Variants in SH3RF1 observed in about 807,000 individuals in gnomAD.
SH3RF1 encodes SH3 domain containing ring finger 1.
Under a neutral mutation model 74.0 loss-of-function variants are expected in SH3RF1, and 32 were observed. That is an observed-to-expected ratio of 0.43 (90% CI 0.33 to 0.58). The LOEUF is 0.58. Ranked by LOEUF, SH3RF1 falls within the 20% of genes least tolerant of loss-of-function variation. The pLI, the probability that SH3RF1 is intolerant of heterozygous loss-of-function variation, is 0.05. For synonymous variants in SH3RF1, 396 were observed against 439.6 expected, an observed-to-expected ratio of 0.90 and a Z score of 1.24; for missense variants, 954 against 1,130.9, an observed-to-expected ratio of 0.84 and a Z score of 2.24.
chr4:169,137,470 C>T (rs1733718380), intron 4 of SH3RF1, among the ~76,000 whole-genome samples: 1 of 152,122 alleles, frequency 6.6e-6, no homozygotes, highest in Admixed American at 6.5e-5. Flanking sequence ...CTGCATATAA[C>T]TTTCCCAGAT....
Position 169,268,812 on chromosome 4 carries a change from C to T in SH3RF1, c.393+8G>A. 1 of 1,570,134 alleles carries T rather than the reference C, an allele frequency of 6.4e-7. No individual in the cohort carries two copies. Among genetic ancestry groups the T allele is most frequent in the East Asian group, 2.2e-5 (1 of 44,628 alleles). ...TTATTCACCAAACTACCTCTGTAGG[C>T]TACTTACCCTCACTGGGGGGCTCCA... On this transcript the variant is annotated splice_region_variant and intron_variant, in intron 2 of 11. Coordinates refer to ENST00000284637, the MANE Select transcript of SH3RF1 (RefSeq NM_020870.4).
At chr4:169,117,110 A>G (rs1733349313) in intron 9 of SH3RF1, among the ~76,000 whole-genome samples, 1 of 152,180 alleles carries the variant, frequency 6.6e-6, no homozygotes, top group African/African-American at 2.4e-5. Flanking sequence ...AGTGCTACAG[A>G]ACTAAGAAAG....
At chr4:169,247,300 G>A (rs987867602) in intron 2 of SH3RF1, among the ~76,000 whole-genome samples, 5 of 152,164 alleles carry the variant, frequency 3.3e-5, no homozygotes, top group Non-Finnish European at 2.9e-5. Context: ...AGACACACTC[G>A]CTGAGGGATC....
At chr4:169,129,764 A>T (rs1162707657) in intron 6 of SH3RF1, among the ~76,000 whole-genome samples, 2 of 152,256 alleles carry the variant, frequency 1.3e-5, no homozygotes, top group Non-Finnish European at 2.9e-5. Flanking sequence ...ATAAAGGTTA[A>T]GCTTCAGAAA....
chr4:169,253,133 C>G (rs1731131690), intron 2 of SH3RF1, among the ~76,000 whole-genome samples: 2 of 152,140 alleles, frequency 1.3e-5, no homozygotes, highest in African/African-American at 4.8e-5. Flanking sequence ...AATAAATATT[C>G]ACATAGAATT....
chr4:169,140,975 TTTTTC>T (rs1334230873), intron 4 of SH3RF1, among the ~76,000 whole-genome samples: 1 of 150,744 alleles, frequency 6.6e-6, no homozygotes, highest in Non-Finnish European at 1.5e-5. Flanking sequence ...GAGGTTTTGT[TTTTTC>T]TTTTCTTTTT....
At chr4:169,142,899 T>C (rs762258594) in intron 4 of SH3RF1, among the ~76,000 whole-genome samples, 13 of 151,330 alleles carry the variant, frequency 8.6e-5, no homozygotes, top group Non-Finnish European at 1.8e-4. Context: ...TTCCCTACAA[T>C]TTAGGTAATA....
chr4:169,252,440 C>A (rs1019540444), intron 2 of SH3RF1, among the ~76,000 whole-genome samples: 4 of 152,276 alleles, frequency 2.6e-5, no homozygotes, highest in East Asian at 1.9e-4. Context: ...TTGAAAAGGG[C>A]TATGAAAATT....
chr4:169,182,834 T>A (rs758873714), intron 2 of SH3RF1, among the ~76,000 whole-genome samples: 3 of 152,018 alleles, frequency 2.0e-5, no homozygotes, highest in South Asian at 2.1e-4. Context: ...AGTTAGTAGG[T>A]AAAGAACTGC....
intron 5 of SH3RF1, among the ~76,000 whole-genome samples, chr4:169,131,441 CTATGT>C (rs1229107538): frequency 1.3e-5 from 2 of 152,068 alleles, no homozygotes; most frequent in African/African-American, 4.8e-5. Flanking sequence ...CAGAGTCTCA[CTATGT>C]TGAGCAGGCT....
At chr4:169,189,165 T>C (rs1561048263) in intron 2 of SH3RF1, among the ~76,000 whole-genome samples, 1 of 152,262 alleles carries the variant, frequency 6.6e-6, no homozygotes, top group Non-Finnish European at 1.5e-5. Context: ...CTCACAATTC[T>C]ATTTCCGTTG....
At chr4:169,124,265 C>T (rs1019121347) in intron 6 of SH3RF1, among the ~76,000 whole-genome samples, 14 of 152,226 alleles carry the variant, frequency 9.2e-5, no homozygotes, top group African/African-American at 3.1e-4. Context: ...TCTATTATAG[C>T]TTAACTTTAT....
intron 2 of SH3RF1, among the ~76,000 whole-genome samples, chr4:169,225,174 G>A (rs1730637701): frequency 1.3e-5 from 2 of 152,170 alleles, no homozygotes; most frequent in South Asian, 2.1e-4. Flanking sequence ...GGGCAACAGA[G>A]GGATGACAGG....
intron 4 of SH3RF1, among the ~76,000 whole-genome samples, chr4:169,141,712 A>G (rs1733789309): frequency 6.6e-6 from 1 of 150,770 alleles, no homozygotes; most frequent in African/African-American, 2.4e-5. Flanking sequence ...ATCTCAGCTC[A>G]GTGCAACCTC....
chr4:169,136,385 G>A lies in SH3RF1; in HGVS notation c.1001C>T (p.Ser334Phe). 2 of 1,588,994 alleles carry A rather than the reference G, an allele frequency of 1.3e-6. No homozygotes were observed. The highest frequency in any genetic ancestry group is 1.7e-6 in the Non-Finnish European group (2 of 1,169,544). Residue 334 changes from serine (S) to phenylalanine (F), a missense_variant, in exon 5 of 12, where the codon TCC becomes TTC. Physicochemically the swap from Ser to Phe is radical, Grantham distance 155 (BLOSUM62 -2). Coordinates refer to ENST00000284637, the MANE Select transcript of SH3RF1 (RefSeq NM_020870.4). ...MEISPPVLIS[S>F]SNPTAAARIS... ...CCGTGCAGCAGCAGTGGGGTTGCTG[G>A]AGCTGATGAGGACAGGGGGGCTGAT...
At chr4:169,232,898 GGTA>G in intron 2 of SH3RF1, among the ~76,000 whole-genome samples, 1 of 152,150 alleles carries the variant, frequency 6.6e-6, no homozygotes, top group South Asian at 2.1e-4. Context: ...TCTACTGATC[GGTA>G]GTGTGAACTG....
chr4:169,107,305 AT>A, intron 10 of SH3RF1, 100 bp from the exon 11 acceptor site: 1 of 1,147,602 alleles, frequency 8.7e-7, no homozygotes. Context: ...TTAATTTTTA[AT>A]TTTAATTTTT....
chr4:169,158,259 G>A (rs544165909), intron 2 of SH3RF1, among the ~76,000 whole-genome samples: 1 of 152,320 alleles, frequency 6.6e-6, no homozygotes, highest in South Asian at 2.1e-4. Context: ...CATGAGCCAA[G>A]TCTTAAAGGA....
chr4:169,190,948 A>G (rs1293238288), intron 2 of SH3RF1, among the ~76,000 whole-genome samples: 2 of 152,366 alleles, frequency 1.3e-5, no homozygotes, highest in African/African-American at 2.4e-5. Context: ...GATACACCAC[A>G]TAAACAGAAT....
Sources: allele counts gnomAD v4.1 joint callset (sites outside exome capture counted in the v4.1 genomes callset), GRCh38; gene constraint gnomAD v4.1.1; transcripts MANE v1.5; gene names NCBI Gene and HGNC (gene_info 2026-07-23, HGNC 2026-07-21).